MAST3: variants seen among roughly 807,000 people sequenced by gnomAD.
MAST3 encodes the protein microtubule-associated serine/threonine-protein kinase 3.
MAST3 carries 43 observed loss-of-function variants against 127.0 expected under a neutral mutation model. That is an observed-to-expected ratio of 0.34 (90% CI 0.27 to 0.44). The LOEUF is 0.44. MAST3 is among the 20% of genes least tolerant of loss of function. MAST3 has a pLI of 1.00. For synonymous variants in MAST3, 785 were observed against 809.2 expected (o/e 0.97, Z 0.51); for missense variants, 1,390 against 1,919.1 (o/e 0.72, Z 5.15).
chr19:18,125,114 CA>C (rs68127939), intron 11 of MAST3, among the ~76,000 whole-genome samples: 9,119 of 151,864 alleles, frequency 0.06, 869 homozygotes, highest in African/African-American at 0.21. Flanking sequence ...CTCAAAAAAA[CA>C]AAAAAAGAAA....
In MAST3 at chr19:18,124,258, C is replaced by T. The variant is rs1214821601; in HGVS notation, c.844-7C>T. The T allele has an allele frequency of 6.2e-7, 1 of 1,601,352 alleles. No individual in the cohort carries two copies. Among genetic ancestry groups the T allele is most frequent in the Non-Finnish European group, 8.5e-7 (1 of 1,173,746 alleles). On this transcript the variant is annotated splice_region_variant and splice_polypyrimidine_tract_variant and intron_variant, in intron 9 of 27. Transcript: ENST00000687212. ...CTGTGGGTGATGCCACGACCCACCT[C>T]CCCCAGGCCCATGAGCGTTCGGACA...
chr19:18,143,830 A>C lies in MAST3; in HGVS notation c.2407A>C (p.Ser803Arg). ...TTCGTCCCAGCCCGAGCGGGGTCCC[A>C]GCCCATCTCTCCTGAATACCATCAG... ...SSSSQPERGP[S>R]PSLLNTISLD... Residue 803 changes from serine to arginine, a missense_variant, in exon 22 of 28, where the codon AGC becomes CGC. Around this residue, in one of 5 missense-constraint regions of MAST3, gnomAD observed 816 missense variants for 934.1 expected, o/e 0.87. Coordinates refer to ENST00000687212, the MANE Select transcript of MAST3 (RefSeq NM_001393504.1). 6.2e-7 allele frequency: 1 copy of C among 1,613,960 alleles called. No homozygotes were observed. The highest frequency in any genetic ancestry group is 8.5e-7 in the Non-Finnish European group (1 of 1,179,888).
chr19:18,138,120 G>T (rs2042068780), intron 19 of MAST3, among the ~76,000 whole-genome samples: 1 of 151,116 alleles, frequency 6.6e-6, no homozygotes, highest in African/African-American at 2.4e-5. Flanking sequence ...TGAGGCACGA[G>T]AATTGCTTGA....
rs1246430155 is a variant in MAST3, at chr19:18,150,024, T to C, written c.*298T>C. ...TTTTTTGAGACAGAGTCTCACTCTG[T>C]TGCCCGGGCTGGAGTGCAGCGGCGT... On this transcript the variant is annotated 3_prime_UTR_variant, in exon 28 of 28. Transcript: ENST00000687212. The C allele has an allele frequency of 3.2e-6, 1 of 308,476 alleles. No homozygotes were observed. The highest frequency in any genetic ancestry group is 6.1e-6 in the Non-Finnish European group (1 of 165,200). 19.1% of individuals were successfully genotyped at this position (308,476 alleles called of 1,614,324 possible). A position where few individuals can be genotyped will look rare whatever the true frequency, so the allele number is the denominator to read the frequency against.
At position 18,144,615 on chromosome 19, in the gene MAST3, G is replaced by C; in HGVS notation, c.2734G>C (p.Gly912Arg). Residue 912 changes from glycine (G) to arginine (R), a missense_variant, in exon 23 of 28, where the codon GGT becomes CGT. Physicochemically the swap from Gly to Arg is moderately radical, Grantham distance 125. Coordinates refer to ENST00000687212, the MANE Select transcript of MAST3 (RefSeq NM_001393504.1). The surrounding 1 kb of genome is among the most constrained non-coding windows in gnomAD (Gnocchi z 4.0). Reference sequence around the variant, plus strand: ...TGAGAAGTCCAGAGCCTCCTCCAGCGGTGGCAGTGGTGGCGGCAGTGGGGG... The same window carrying C: ...TGAGAAGTCCAGAGCCTCCTCCAGCCGTGGCAGTGGTGGCGGCAGTGGGGG... ...APEKSRASSS[G>R]GSGGGSGGRV... is the part of the protein sequence containing the mutation. The C allele has an allele frequency of 1.9e-6, 3 of 1,611,650 alleles. No individual in the cohort carries two copies. The highest frequency in any genetic ancestry group is 2.5e-6 in the Non-Finnish European group (3 of 1,179,788).
In MAST3 at chr19:18,147,445, G is replaced by A. The variant is rs763217339; in HGVS notation, c.3329G>A (p.Arg1110Gln). 9.9e-6 allele frequency: 16 copies of A among 1,612,956 alleles called. No individual in the cohort carries two copies. Among genetic ancestry groups the A allele is most frequent in the South Asian group, 4.4e-5 (4 of 90,968 alleles). Reference sequence around the variant, plus strand: ...AGCCTCCGGTTTTCTTACCCCAGGCGGAAGTCACTTTTCAAGAAGATCTCC... The same window carrying A: ...AGCCTCCGGTTTTCTTACCCCAGGCAGAAGTCACTTTTCAAGAAGATCTCC... ...RCAAVTTRER[R>Q]KSLFKKISKQ... The change falls in exon 27 of 28, where the codon CGG becomes CAG. Residue 1110 changes from arginine (R) to glutamine (Q), a missense_variant and splice_region_variant. Physicochemically the swap from Arg to Gln is conservative, Grantham distance 43. Coordinates refer to ENST00000687212, the MANE Select transcript of MAST3 (RefSeq NM_001393504.1).
chr19:18,141,980 A>G lies in MAST3; in HGVS notation c.2304A>G (p.Glu768=). ...EDREEGWERS[E]VDYGRRLSAD... is the part of the protein sequence containing the mutation. ...GGGAGGAGGGGTGGGAGCGCAGCGA[A>G]GTGGACTATGGCCGCCGGCTGAGTG... Residue 768 remains glutamate (E), a synonymous_variant, in exon 21 of 28, where the codon GAA becomes GAG. Coordinates refer to ENST00000687212, the MANE Select transcript of MAST3 (RefSeq NM_001393504.1). The G allele has an allele frequency of 6.5e-7, 1 of 1,542,100 alleles. No individual in the cohort carries two copies.
intron 1 of MAST3, among the ~76,000 whole-genome samples, chr19:18,099,369 T>G (rs2037350567): frequency 6.8e-6 from 1 of 147,612 alleles, no homozygotes; most frequent in Non-Finnish European, 1.5e-5. Context: ...CAGCGTGGTG[T>G]TGGTGGGGGG....
rs770455305 is a variant in MAST3 at position 18,147,644 on chromosome 19, C to G, written c.3508+20C>G. Reference sequence around the variant, plus strand: ...CAGCAGGTGGGTGCACCCCGACCCCCCACCACCCCGGCTACCCTGGGAGCA... The same window carrying G: ...CAGCAGGTGGGTGCACCCCGACCCCGCACCACCCCGGCTACCCTGGGAGCA... On this transcript the variant is annotated intron_variant, in intron 27 of 27. Coordinates refer to ENST00000687212, the MANE Select transcript of MAST3 (RefSeq NM_001393504.1). 4 of 1,502,072 alleles carry G rather than the reference C, an allele frequency of 2.7e-6. No homozygotes were observed. The highest frequency in any genetic ancestry group is 3.6e-6 in the Non-Finnish European group (4 of 1,117,798). The allele number at this position is 1,502,072 out of a possible 1,614,324, so 93.0% of individuals were successfully genotyped here.
At chr19:18,115,834 C>T (rs1599705696) in intron 3 of MAST3, among the ~76,000 whole-genome samples, 1 of 152,244 alleles carries the variant, frequency 6.6e-6, no homozygotes, top group Non-Finnish European at 1.5e-5. Context: ...CTCCCCATTG[C>T]TCCTACAATA....
In MAST3 at chr19:18,123,492, G is replaced by A. The variant is rs1261209814; in HGVS notation, c.558-88G>A. ...TGCCTGAGCCTAGCCTCTGATTCTT[G>A]TCCCTCAACCCTGGCTCAGATCCCC... On this transcript the variant is annotated intron_variant, in intron 7 of 27. Coordinates refer to ENST00000687212, the MANE Select transcript of MAST3 (RefSeq NM_001393504.1). The A allele has an allele frequency of 2.7e-6, 4 of 1,472,720 alleles. No homozygotes were observed. In the African/African-American group the frequency reaches 5.6e-5, roughly 21 times the overall value. The allele number at this position is 1,472,720 out of a possible 1,614,324, so 91.2% of individuals were successfully genotyped here.
intron 20 of MAST3, among the ~76,000 whole-genome samples, chr19:18,141,440 T>C (rs2042475639): frequency 7.3e-6 from 1 of 137,844 alleles, no homozygotes; most frequent in Admixed American, 8.1e-5. Flanking sequence ...TGGCACAATC[T>C]CGGCTCACTG....
intron 17 of MAST3, among the ~76,000 whole-genome samples, 175 bp from the exon 18 acceptor site, chr19:18,135,565 T>C (rs942642078): frequency 1.3e-5 from 2 of 152,120 alleles, no homozygotes; most frequent in Non-Finnish European, 2.9e-5. Flanking sequence ...GCTCTGAGCA[T>C]AGGGCACAGC....
intron 1 of MAST3, among the ~76,000 whole-genome samples, chr19:18,106,318 C>G (rs1335351134): frequency 6.6e-6 from 1 of 152,134 alleles, no homozygotes. Flanking sequence ...ATGGCACCAT[C>G]TCAGCTCACT....
intron 5 of MAST3, among the ~76,000 whole-genome samples, 195 bp from the exon 6 acceptor site, chr19:18,122,478 G>GT: frequency 6.6e-6 from 1 of 151,082 alleles, no homozygotes; most frequent in East Asian, 2.0e-4. Context: ...ACTCACGGGG[G>GT]GGCTTCCTGG....
Position 18,123,646 on chromosome 19 carries a change from G to T in MAST3, c.624G>T (p.Arg208Ser). The change falls in exon 8 of 28, where the codon AGG (arginine) becomes AGT (serine). Residue 208 changes from arginine (R) to serine (S), a missense_variant. By Grantham distance (110) the Arg-to-Ser change is moderately radical (BLOSUM62 -1). Transcript: ENST00000687212. ...IVMMNHVYRE[R>S]FPKATAQMEG... Reference sequence around the variant, plus strand: ...TGATGAATCACGTGTACCGGGAGAGGTTCCCCAAGGTGGGCAGCGCCTGGC... The same window carrying T: ...TGATGAATCACGTGTACCGGGAGAGTTTCCCCAAGGTGGGCAGCGCCTGGC... The T allele has an allele frequency of 1.3e-6, 2 of 1,579,894 alleles. No homozygotes were observed. The highest frequency in any genetic ancestry group is 1.7e-6 in the Non-Finnish European group (2 of 1,164,288).
At chr19:18,123,772 T>G in intron 8 of MAST3, 117 bp downstream of exon 8, 1 of 1,115,564 alleles carries the variant, frequency 9.0e-7, no homozygotes, top group South Asian at 1.6e-5. Flanking sequence ...TTTCTGTCTT[T>G]CCTTCCCCTT....
rs773154657 is a variant in MAST3 at position 18,128,855 on chromosome 19, C to T, written c.1138-11C>T. 1 of 1,611,268 alleles carries T rather than the reference C, an allele frequency of 6.2e-7. No individual in the cohort carries two copies. Among genetic ancestry groups the T allele is most frequent in the Non-Finnish European group, 8.5e-7 (1 of 1,178,742 alleles). ...AGCGGGGCAGGACCCTAAGCCCTTC[C>T]CATCCCCTAGAGCCGCGCCCTGGTC... On this transcript the variant is annotated splice_polypyrimidine_tract_variant and intron_variant, in intron 12 of 27. Coordinates refer to ENST00000687212, the MANE Select transcript of MAST3 (RefSeq NM_001393504.1).
At chr19:18,137,853 T>A (rs1254807441) in intron 19 of MAST3, among the ~76,000 whole-genome samples, 9 of 152,138 alleles carry the variant, frequency 5.9e-5, no homozygotes, top group African/African-American at 2.2e-4. Flanking sequence ...ATGTCAGAGG[T>A]CTTCTCTGAG....
Sources: allele counts gnomAD v4.1 joint callset (sites outside exome capture counted in the v4.1 genomes callset), GRCh38; gene constraint gnomAD v4.1.1; regional missense constraint gnomAD v4.1.1; non-coding constraint Gnocchi (gnomAD v3.1); transcripts MANE v1.5; gene names NCBI Gene and HGNC (gene_info 2026-07-23, HGNC 2026-07-21).